The following PLBD2 variants were observed in gnomAD, a reference collection of about 807,000 sequenced individuals.
PLBD2 encodes the protein phospholipase B domain containing 2.
Under a neutral mutation model 68.3 loss-of-function variants are expected in PLBD2, and 51 were observed. That is an observed-to-expected ratio of 0.75 (90% CI 0.60 to 0.94). The LOEUF (loss-of-function observed/expected upper bound fraction) is 0.94, where lower values mean the gene tolerates loss of function less well. Ranked by LOEUF, PLBD2 falls within the 40% of genes least tolerant of loss-of-function variation. PLBD2 has a pLI of 0.00. For synonymous variants in PLBD2, 314 were observed against 339.3 expected (o/e 0.93, Z 0.82); for missense variants, 729 against 792.2 (o/e 0.92, Z 0.96).
chr12:113,377,014 A>C (rs1160286329), intron 5 of PLBD2: 1 of 152,150 alleles, frequency 6.6e-6, no homozygotes, highest in Non-Finnish European at 1.5e-5. Context: ...ATTCATTGCT[A>C]ATGGGAGTAT....
chr12:113,362,234 A>T (rs1354819852), intron 1 of PLBD2, among the ~76,000 whole-genome samples: 3 of 151,974 alleles, frequency 2.0e-5, no homozygotes, highest in Non-Finnish European at 4.4e-5. Flanking sequence ...CTGTGGTCCC[A>T]GCTACTCGTT....
intron 6 of PLBD2, among the ~76,000 whole-genome samples, chr12:113,382,331 C>A (rs1428511511): frequency 6.6e-6 from 1 of 152,200 alleles, no homozygotes; most frequent in Non-Finnish European, 1.5e-5. Flanking sequence ...AAGGTATGTA[C>A]AGCCTTGTAA....
chr12:113,358,616 T>C lies in PLBD2; in HGVS notation c.16T>C (p.Tyr6His), dbSNP rs532558094. ...TTGTGCGGTCATGGTGGGCCAGATG[T>C]ACTGCTACCCCGGCAGCCACCTGGC... MVGQM[Y>H]CYPGSHLARA... Residue 6 changes from tyrosine (Y) to histidine (H), a missense_variant, in exon 1 of 12, where the codon TAC (tyrosine) becomes CAC (histidine). By Grantham distance (83) the Tyr-to-His change is moderately conservative. Coordinates refer to ENST00000280800, the MANE Select transcript of PLBD2 (RefSeq NM_173542.4). 300 of 1,470,418 alleles carry C rather than the reference T, an allele frequency of 2.0e-4. 2 individuals are homozygous for C. In the South Asian group the frequency reaches 3.7e-3, roughly 18 times the overall value. The allele number at this position is 1,470,418 out of a possible 1,614,324, so 91.1% of individuals were successfully genotyped here.
At chr12:113,363,251 A>G (rs943027142) in intron 1 of PLBD2, among the ~76,000 whole-genome samples, 4 of 152,134 alleles carry the variant, frequency 2.6e-5, no homozygotes, top group Non-Finnish European at 5.9e-5. Context: ...CCTGGGCAAC[A>G]TGGTGAGACC....
chr12:113,360,638 G>A (rs1421330675), intron 1 of PLBD2, among the ~76,000 whole-genome samples: 3 of 152,164 alleles, frequency 2.0e-5, no homozygotes, highest in Non-Finnish European at 2.9e-5. Flanking sequence ...GTCACAGAAA[G>A]CACTGTTTAT....
chr12:113,359,901 A>G (rs1168774862), intron 1 of PLBD2, among the ~76,000 whole-genome samples: 1 of 151,990 alleles, frequency 6.6e-6, no homozygotes, highest in East Asian at 1.9e-4. Flanking sequence ...ATCCTAGGGA[A>G]CCCGGGGTGC....
At chr12:113,381,452 C>T (rs759262026) in intron 6 of PLBD2, among the ~76,000 whole-genome samples, 5 of 152,226 alleles carry the variant, frequency 3.3e-5, no homozygotes, top group Non-Finnish European at 7.4e-5. Flanking sequence ...TCCAGGGCAA[C>T]GAGACAGAGG....
At chr12:113,360,963 T>TA (rs1450119283) in intron 1 of PLBD2, among the ~76,000 whole-genome samples, 1 of 152,176 alleles carries the variant, frequency 6.6e-6, no homozygotes, top group African/African-American at 2.4e-5. Flanking sequence ...TACGCTCACA[T>TA]GCCCCTTTCC....
Position 113,384,897 on chromosome 12 carries a change from G to C in PLBD2, c.1165G>C (p.Gly389Arg), listed in dbSNP as rs758721240. 9.3e-6 allele frequency: 15 copies of C among 1,614,026 alleles called. No individual in the cohort carries two copies. In the East Asian group the frequency reaches 1.6e-4, roughly 17 times the overall value. Residue 389 changes from glycine (G) to arginine (R), a missense_variant, in exon 8 of 12, where the codon GGT (glycine) becomes CGT (arginine). Gly to Arg is a moderately radical substitution (Grantham distance 125). Coordinates refer to ENST00000280800, the MANE Select transcript of PLBD2 (RefSeq NM_173542.4). The surrounding 1 kb of genome is among the most constrained non-coding windows in gnomAD (Gnocchi z 4.2). ...MIVDYKAFIP[G>R]GPSPGSRVLT... is the part of the protein sequence containing the mutation. Reference sequence around the variant, plus strand: ...CGTGGACTACAAGGCGTTCATCCCGGGTGGGCCCAGCCCCGGGAGCCGGGT... The same window carrying C: ...CGTGGACTACAAGGCGTTCATCCCGCGTGGGCCCAGCCCCGGGAGCCGGGT...
intron 2 of PLBD2, 109 bp downstream of exon 2, chr12:113,369,318 C>G (rs1957369013): frequency 4.0e-6 from 3 of 749,514 alleles, no homozygotes; most frequent in Non-Finnish European, 5.9e-6. Context: ...ACTCCTGCCA[C>G]AGCCCTTCAT....
intron 1 of PLBD2, among the ~76,000 whole-genome samples, chr12:113,360,185 T>G (rs1957278406): frequency 6.6e-6 from 1 of 151,812 alleles, no homozygotes; most frequent in South Asian, 2.1e-4. Flanking sequence ...GGGGCACTGG[T>G]TGGGGTAAAT....
At chr12:113,375,210 G>C in intron 5 of PLBD2, 5 of 587,828 alleles carry the variant, frequency 8.5e-6, no homozygotes, top group Non-Finnish European at 1.5e-5. Flanking sequence ...CAGTGGCACA[G>C]TCATGGCTCA....
In PLBD2 at chr12:113,387,861, C is replaced by G. The variant is rs201505907; in HGVS notation, c.1557C>G (p.Pro519=). 26 of 1,614,250 alleles carry G rather than the reference C, an allele frequency of 1.6e-5. No individual in the cohort carries two copies. In the East Asian group the frequency reaches 5.1e-4, roughly 32 times the overall value. ...TCAACCCGGCCAATGGCTCCTACCC[C>G]TTCCAGGCCCTGCGTCAGCGCTCCC... The part of the protein sequence containing the change: ...SDLNPANGSY[P]FQALRQRSHG... The change falls in exon 11 of 12, where the codon CCC becomes CCG. Residue 519 remains proline (P), a synonymous_variant. Coordinates refer to ENST00000280800, the MANE Select transcript of PLBD2 (RefSeq NM_173542.4).
Position 113,389,993 on chromosome 12 carries a change from C to T in PLBD2, c.*1367C>T, listed in dbSNP as rs1163435084. 6.6e-6 allele frequency: 1 copy of T among 152,028 alleles called. No individual in the cohort carries two copies. The highest frequency in any genetic ancestry group is 1.5e-5 in the Non-Finnish European group (1 of 68,046). The allele number at this position is 152,028 out of a possible 1,614,324, so 9.4% of individuals were successfully genotyped here. On this transcript the variant is annotated 3_prime_UTR_variant, in exon 12 of 12. Coordinates refer to ENST00000280800, the MANE Select transcript of PLBD2 (RefSeq NM_173542.4). ...AGTGCTTGGATTACAGATGTGAGCC[C>T]CCGCACCTGGCCTCATTTGTCCATT...
At chr12:113,379,005 T>A (rs1490354384) in intron 5 of PLBD2, among the ~76,000 whole-genome samples, 3 of 152,130 alleles carry the variant, frequency 2.0e-5, no homozygotes, top group African/African-American at 7.2e-5. Context: ...GTGCAAAGAC[T>A]TAATGTGGAA....
chr12:113,369,538 C>T (rs1465914580), intron 2 of PLBD2, among the ~76,000 whole-genome samples: 1 of 152,114 alleles, frequency 6.6e-6, no homozygotes, highest in African/African-American at 2.4e-5. Context: ...CTCGAATGCC[C>T]AGCTGCTGAT....
chr12:113,368,070 ACT>A (rs1306226751), intron 1 of PLBD2, among the ~76,000 whole-genome samples: 7 of 151,004 alleles, frequency 4.6e-5, no homozygotes, highest in Admixed American at 2.0e-4. Flanking sequence ...AAACAGCCAG[ACT>A]CTGTCTCAGG....
intron 1 of PLBD2, among the ~76,000 whole-genome samples, chr12:113,362,467 C>T (rs1957304164): frequency 6.6e-6 from 1 of 151,982 alleles, no homozygotes; most frequent in African/African-American, 2.4e-5. Flanking sequence ...GCCCCCTGCT[C>T]ATATCAGTGG....
intron 1 of PLBD2, among the ~76,000 whole-genome samples, chr12:113,361,496 T>C (rs1957296950): frequency 6.6e-6 from 1 of 151,762 alleles, no homozygotes; most frequent in Non-Finnish European, 1.5e-5. Flanking sequence ...CGCACCCCCA[T>C]GCCTGGCTAA....
Sources: gnomAD v4.1 joint callset for allele counts (sites outside exome capture counted in the v4.1 genomes callset) on GRCh38, gnomAD v4.1.1 for gene constraint, Gnocchi (gnomAD v3.1) non-coding constraint, MANE v1.5 for transcripts, NCBI Gene and HGNC (gene_info 2026-07-23, HGNC 2026-07-21) for gene names.